The following CCDC92 variants were observed in gnomAD, a reference collection of about 807,000 sequenced individuals.
CCDC92 encodes the protein coiled-coil domain-containing protein 92.
In CCDC92, 12 loss-of-function variants were observed where a neutral mutation model predicts 24.9. That is an observed-to-expected ratio of 0.48 (90% confidence interval 0.31 to 0.78). CCDC92 has a LOEUF of 0.78. Among genes scored for constraint, CCDC92 ranks in the 30% least tolerant of loss-of-function variants. The pLI, the probability that CCDC92 is intolerant of heterozygous loss-of-function variation, is 0.05. For missense variants in CCDC92, 399 were observed against 439.4 expected (o/e 0.91, Z 0.82); for synonymous variants, 193 against 196.3 (o/e 0.98, Z 0.14).
rs1956092747 is a variant in CCDC92 at position 123,954,062 on chromosome 12, T to A, written c.-59-9698A>T. ...TTAGTACTATCTAAAGCTTCTTTAA[T>A]GATGAACATATAGTCAGAAAAAATA... On this transcript the variant is annotated intron_variant, in intron 1 of 4. Transcript: ENST00000238156. Among the ~76,000 whole-genome samples, 4 of 152,250 alleles carry A rather than the reference T, an allele frequency of 2.6e-5. No individual in the cohort carries two copies. In the South Asian group the frequency reaches 8.3e-4, roughly 31 times the overall value.
intron 1 of CCDC92, among the ~76,000 whole-genome samples, chr12:123,971,082 T>G (rs1956517820): frequency 6.6e-6 from 1 of 152,232 alleles, no homozygotes; most frequent in Non-Finnish European, 1.5e-5. Flanking sequence ...ACCGATGTAT[T>G]TAAAATGTGT....
Position 123,942,767 on chromosome 12 carries a change from G to C in CCDC92, c.200C>G (p.Thr67Arg). Residue 67 changes from threonine (T) to arginine (R), a missense_variant, in exon 4 of 5, where the codon ACA (threonine) becomes AGA (arginine). Coordinates refer to ENST00000238156, the MANE Select transcript of CCDC92 (RefSeq NM_025140.3). Reference sequence around the variant, plus strand: ...ACCTGTCTGTTCCGAACTTTTGACTGTCAGCTCATATGTTAAATCTAAAAG... The same window carrying C: ...ACCTGTCTGTTCCGAACTTTTGACTCTCAGCTCATATGTTAAATCTAAAAG... ...QHCTDLTYEL[T>R]VKSSEQTGDG... 1.2e-6 allele frequency: 2 copies of C among 1,608,080 alleles called. No homozygotes were observed. The highest frequency in any genetic ancestry group is 1.7e-6 in the Non-Finnish European group (2 of 1,174,430).
intron 1 of CCDC92, among the ~76,000 whole-genome samples, chr12:123,957,358 C>A (rs771788612): frequency 1.3e-5 from 2 of 152,218 alleles, no homozygotes; most frequent in Non-Finnish European, 2.9e-5. Context: ...TGAGGTCATA[C>A]CTGGCAGCCA....
intron 4 of CCDC92, among the ~76,000 whole-genome samples, chr12:123,939,858 C>G (rs1594449079): frequency 6.6e-6 from 1 of 152,250 alleles, no homozygotes; most frequent in East Asian, 1.9e-4. Context: ...GAAATGCTGA[C>G]CTGGGCACGG....
chr12:123,940,471 G>A (rs764963353), intron 4 of CCDC92, among the ~76,000 whole-genome samples: 1 of 152,194 alleles, frequency 6.6e-6, no homozygotes, highest in Non-Finnish European at 1.5e-5. Context: ...TGAGTGGGCC[G>A]TCCTGTGGGA....
In CCDC92 at chr12:123,937,637, G is replaced by T; in HGVS notation, c.417C>A (p.His139Gln). The T allele has an allele frequency of 6.2e-7, 1 of 1,613,926 alleles. No homozygotes were observed. The highest frequency in any genetic ancestry group is 8.5e-7 in the Non-Finnish European group (1 of 1,180,018). ...GCTCGCTAGACAGCAGGGTCAGCTT[G>T]TGACTCTTGGCCTTCAGCTCCTCCA... ...KYLEELKAKSHKLTLLSSELE... is the reference protein window; with the variant it reads ...KYLEELKAKSQKLTLLSSELE... Residue 139 changes from histidine to glutamine, a missense_variant, in exon 5 of 5, where the codon CAC becomes CAA. Physicochemically the swap from His to Gln is conservative, Grantham distance 24 (BLOSUM62 0). Transcript: ENST00000238156. This position sits in a 1 kb window ranked among gnomAD's most constrained non-coding sequence, Gnocchi z 8.4.
intron 1 of CCDC92, among the ~76,000 whole-genome samples, chr12:123,959,919 C>A (rs1003527513): frequency 6.6e-6 from 1 of 152,228 alleles, no homozygotes; most frequent in Admixed American, 6.5e-5. Flanking sequence ...GAGAGTCATC[C>A]AAACAGGTTT....
chr12:123,946,549 AGGGTCTGTAAGTGT>A (rs1463621555), intron 1 of CCDC92: 1 of 152,436 alleles, frequency 6.6e-6, no homozygotes, highest in African/African-American at 2.4e-5. Flanking sequence ...TGTCTCTGTG[AGGGTCTGTAAGTGT>A]GGGTCTGTTT....
intron 2 of CCDC92, 183 bp downstream of exon 2, chr12:123,944,089 C>T (rs557004025): frequency 1.3e-4 from 69 of 525,954 alleles, no homozygotes; most frequent in Admixed American, 7.6e-4. Flanking sequence ...GGCTGAATTC[C>T]AGAGGGAAGC....
intron 1 of CCDC92, among the ~76,000 whole-genome samples, chr12:123,947,280 G>A (rs1345647759): frequency 6.6e-6 from 1 of 152,066 alleles, no homozygotes; most frequent in East Asian, 1.9e-4. Flanking sequence ...GAGCCTCCCC[G>A]ACCAGTGCCG....
At chr12:123,964,117 G>A (rs957953233) in intron 1 of CCDC92, among the ~76,000 whole-genome samples, 1 of 152,192 alleles carries the variant, frequency 6.6e-6, no homozygotes, top group Non-Finnish European at 1.5e-5. Flanking sequence ...AATTAGTGCT[G>A]CGCTGGTAAA....
At chr12:123,940,518 G>A (rs1291240097) in intron 4 of CCDC92, among the ~76,000 whole-genome samples, 1 of 152,162 alleles carries the variant, frequency 6.6e-6, no homozygotes, top group Non-Finnish European at 1.5e-5. Flanking sequence ...CCCCAGCTCT[G>A]GAGAGCTGCT....
At chr12:123,947,839 C>T (rs1028962246) in intron 1 of CCDC92, among the ~76,000 whole-genome samples, 13 of 152,120 alleles carry the variant, frequency 8.5e-5, no homozygotes, top group South Asian at 2.1e-4. Context: ...TTTGTTCTTT[C>T]GCTCTTTGCA....
chr12:123,971,543 A>T (rs1366520446), intron 1 of CCDC92: 2 of 152,214 alleles, frequency 1.3e-5, no homozygotes, highest in Non-Finnish European at 2.9e-5. Context: ...GGAACTGCGT[A>T]ATATGTTAAA....
At position 123,937,533 on chromosome 12, in the gene CCDC92, C is replaced by G. The variant is rs1180782439; in HGVS notation, c.521G>C (p.Gly174Ala). ...CCCTGACGGGCTGGCATCTGAGGTC[C>G]CGCTGGAGCTCATGAGCTTCTTCTT... ...AAKKKLMSSS[G>A]TSDASPSGSP... Residue 174 changes from glycine to alanine, a missense_variant, in exon 5 of 5, where the codon GGG becomes GCG. Coordinates refer to ENST00000238156, the MANE Select transcript of CCDC92 (RefSeq NM_025140.3). This position sits in a 1 kb window ranked among gnomAD's most constrained non-coding sequence, Gnocchi z 8.4. The G allele has an allele frequency of 1.2e-6, 2 of 1,612,288 alleles. No individual in the cohort carries two copies. Among genetic ancestry groups the G allele is most frequent in the Non-Finnish European group, 1.7e-6 (2 of 1,180,020 alleles).
chr12:123,954,462 G>C lies in CCDC92; in HGVS notation c.-59-10098C>G, dbSNP rs902285451. On this transcript the variant is annotated intron_variant, in intron 1 of 4. Transcript: ENST00000238156. ...AAGTCGTAATGGATGTGATTAGAGAGCCTGACAATTACACATGGAAAGAGG... is the reference window on the plus strand; with the variant it reads ...AAGTCGTAATGGATGTGATTAGAGACCCTGACAATTACACATGGAAAGAGG... Among the ~76,000 whole-genome samples the C allele has an allele frequency of 6.6e-5, 10 of 152,232 alleles. 1 individual carries two copies. The highest frequency in any genetic ancestry group is 2.2e-4 in the African/African-American group (9 of 41,452).
At chr12:123,961,993 A>AT (rs1956282289) in intron 1 of CCDC92, among the ~76,000 whole-genome samples, 1 of 152,320 alleles carries the variant, frequency 6.6e-6, no homozygotes, top group South Asian at 2.1e-4. Context: ...ATAAAAGTGC[A>AT]TATCCCGCAC....
In CCDC92 at chr12:123,937,755, T is replaced by C; in HGVS notation, c.299A>G (p.Asn100Ser). The change falls in exon 5 of 5, where the codon AAC becomes AGC. Residue 100 changes from asparagine to serine, a missense_variant. Transcript: ENST00000238156. This position sits in a 1 kb window ranked among gnomAD's most constrained non-coding sequence, Gnocchi z 8.4. Reference protein sequence around the residue: ...ELEAQLKVKENENAELLKELE... With the variant: ...ELEAQLKVKESENAELLKELE... ...TTCTTTCAACAACTCAGCATTTTCG[T>C]TCTCTTTCACTTTCAGTTGGGCTTC... 1.2e-6 allele frequency: 2 copies of C among 1,614,096 alleles called. No individual in the cohort carries two copies. Among genetic ancestry groups the C allele is most frequent in the Non-Finnish European group, 1.7e-6 (2 of 1,180,036 alleles).
intron 1 of CCDC92, among the ~76,000 whole-genome samples, chr12:123,948,743 G>C (rs1473402382): frequency 6.6e-6 from 1 of 152,222 alleles, no homozygotes; most frequent in Non-Finnish European, 1.5e-5. Context: ...CTTGGGGCCA[G>C]GGAAACAAAA....
Sources: gnomAD v4.1 joint callset for allele counts (sites outside exome capture counted in the v4.1 genomes callset) on GRCh38, gnomAD v4.1.1 for gene constraint, Gnocchi (gnomAD v3.1) non-coding constraint, MANE v1.5 for transcripts, NCBI Gene and HGNC (gene_info 2026-07-23, HGNC 2026-07-21) for gene names.